The following TRMT9B variants were observed in gnomAD, a reference collection of about 807,000 sequenced individuals.
TRMT9B encodes tRNA methyltransferase 9B (putative), also known as probable tRNA methyltransferase 9B.
In TRMT9B, 16 loss-of-function variants were observed where a neutral mutation model predicts 11.5. The observed-to-expected ratio is 1.39, with a 90% confidence interval of 0.94 to 2.11. The LOEUF is 2.11. Among genes scored for constraint, TRMT9B ranks in the 30% most tolerant of loss-of-function variants. TRMT9B has a pLI of 0.00. For synonymous variants in TRMT9B, 274 were observed against 192.4 expected (o/e 1.42, Z -3.51); for missense variants, 941 against 553.8 (o/e 1.70, Z -7.02).
chr8:12,947,332 C>G (rs1417941457), intron 1 of TRMT9B, among the ~76,000 whole-genome samples: 4 of 152,148 alleles, frequency 2.6e-5, no homozygotes, highest in African/African-American at 4.8e-5. Flanking sequence ...ATTCCACTTC[C>G]TTATGCATCA....
At position 13,006,106 on chromosome 8, in the gene TRMT9B, T is replaced by C. The variant is rs931676652; in HGVS notation, c.-1-96T>C. On this transcript the variant is annotated intron_variant, in intron 2 of 4. Transcript: ENST00000524591. Reference sequence around the variant, plus strand: ...TGTGCAAACAGCATGAGTTTGCAGTTGTAGGCTCCAGATTTTAGGAAATCT... The same window carrying C: ...TGTGCAAACAGCATGAGTTTGCAGTCGTAGGCTCCAGATTTTAGGAAATCT... 5.0e-6 allele frequency: 6 copies of C among 1,196,952 alleles called. No homozygotes were observed. The South Asian group carries it at 7.3e-5, about 15-fold the overall frequency. The allele number at this position is 1,196,952 out of a possible 1,614,324, so 74.1% of individuals were successfully genotyped here. A position where few individuals can be genotyped will look rare whatever the true frequency, so the allele number is the denominator to read the frequency against.
In TRMT9B at chr8:13,012,724, A is replaced by G; in HGVS notation, c.195A>G (p.Val65=). 1 of 1,614,048 alleles carries G rather than the reference A, an allele frequency of 6.2e-7. No homozygotes were observed. The highest frequency in any genetic ancestry group is 8.5e-7 in the Non-Finnish European group (1 of 1,179,880). ...TGKYLKVNSQ[V]HTVGCDYCGP... ...AATATCTTAAAGTGAACAGCCAGGT[A>G]CATACCGTGGGCTGTGACTACTGTG... is the stretch of plus-strand genomic sequence containing the variant. The change falls in exon 4 of 5, where the codon GTA becomes GTG. Residue 65 remains valine (V), a synonymous_variant. Transcript: ENST00000524591.
At chr8:12,997,494 C>T (rs1808576603) in intron 2 of TRMT9B, among the ~76,000 whole-genome samples, 1 of 152,136 alleles carries the variant, frequency 6.6e-6, no homozygotes. Flanking sequence ...TTATAAATTA[C>T]CCAGGCTCAG....
intron 1 of TRMT9B, among the ~76,000 whole-genome samples, chr8:12,947,592 C>G (rs778635131): frequency 1.4e-4 from 21 of 152,208 alleles, no homozygotes; most frequent in Admixed American, 4.6e-4. Context: ...CTTATGGCAA[C>G]ACATGCATAT....
intron 2 of TRMT9B, among the ~76,000 whole-genome samples, chr8:12,996,747 AC>A (rs1808411903): frequency 1.3e-5 from 2 of 152,168 alleles, no homozygotes; most frequent in Admixed American, 1.3e-4. Flanking sequence ...TCATAAATGT[AC>A]AAATAAATGA....
chr8:13,012,248 C>T (rs1297250411), intron 3 of TRMT9B: 5 of 985,186 alleles, frequency 5.1e-6, no homozygotes, highest in African/African-American at 3.5e-5. Flanking sequence ...AATACCTTCA[C>T]ACCATGTTGT....
At chr8:12,948,065 G>A (rs1030246819) in intron 1 of TRMT9B, among the ~76,000 whole-genome samples, 1 of 152,136 alleles carries the variant, frequency 6.6e-6, no homozygotes, top group African/African-American at 2.4e-5. Context: ...CTTGACTTAC[G>A]ATGGGGGTTA....
At position 13,026,699 on chromosome 8, in the gene TRMT9B, A is replaced by G. The variant is rs973785934; in HGVS notation, c.*4655A>G. 1.2e-5 allele frequency: 2 copies of G among 167,146 alleles called. No homozygotes were observed. Among genetic ancestry groups the G allele is most frequent in the Non-Finnish European group, 2.9e-5 (2 of 68,130 alleles). 10.4% of individuals were successfully genotyped at this position (167,146 alleles called of 1,614,324 possible). A position where few individuals can be genotyped will look rare whatever the true frequency, so the allele number is the denominator to read the frequency against. On this transcript the variant is annotated 3_prime_UTR_variant, in exon 5 of 5. Transcript: ENST00000524591. ...GAAATTAAATTGCTTAAGGTTACACACATAGTAGGTATCACACATTTAGTT... is the reference window on the plus strand; with the variant it reads ...GAAATTAAATTGCTTAAGGTTACACGCATAGTAGGTATCACACATTTAGTT...
At chr8:12,991,123 A>G (rs564359919) in intron 2 of TRMT9B, 92 bp downstream of exon 2, 3 of 494,828 alleles carry the variant, frequency 6.1e-6, no homozygotes, top group Non-Finnish European at 8.6e-6. Context: ...CCCAATCCCT[A>G]TAATTTTAAA....
rs563708164 is a variant in TRMT9B, at chr8:12,989,848, A to G, written c.-199-986A>G. On this transcript the variant is annotated intron_variant, in intron 1 of 4. Coordinates refer to ENST00000524591, the MANE Select transcript of TRMT9B (RefSeq NM_020844.3). Reference sequence around the variant, plus strand: ...ATGCTTCTTAAACGCACTTCTAAAAAGTTAGCTTCTGTGGCTCTCAATGGC... The same window carrying G: ...ATGCTTCTTAAACGCACTTCTAAAAGGTTAGCTTCTGTGGCTCTCAATGGC... Among the ~76,000 whole-genome samples, 3 of 152,352 alleles carry G rather than the reference A, an allele frequency of 2.0e-5. No homozygotes were observed. The East Asian group carries it at 5.8e-4, about 29-fold the overall frequency.
At position 13,013,822 on chromosome 8, in the gene TRMT9B, G is replaced by T. The variant is rs977491919; in HGVS notation, c.328+965G>T. ...AAAATTAGCCGGGCATGGTACAAGC[G>T]CCTGTAGTCCCAGCTACTCAGGAGG... On this transcript the variant is annotated intron_variant, in intron 4 of 4. Transcript: ENST00000524591. Among the ~76,000 whole-genome samples, 10 of 152,152 alleles carry T rather than the reference G, an allele frequency of 6.6e-5. No homozygotes were observed. In the East Asian group the frequency reaches 1.6e-3, roughly 24 times the overall value.
At position 13,021,568 on chromosome 8, in the gene TRMT9B, C is replaced by G; in HGVS notation, c.889C>G (p.Gln297Glu). 1 of 1,613,842 alleles carries G rather than the reference C, an allele frequency of 6.2e-7. No individual in the cohort carries two copies. The highest frequency in any genetic ancestry group is 8.5e-7 in the Non-Finnish European group (1 of 1,179,840). The change falls in exon 5 of 5, where the codon CAA (glutamine) becomes GAA (glutamate). Residue 297 changes from glutamine to glutamate, a missense_variant. Gln to Glu is a conservative substitution (Grantham distance 29). Transcript: ENST00000524591. ...ACACTCTAGTTTAGACTTTGATCAC[C>G]AAGAGCCATTTTCAACAAAAGGGCA... ...SRHSSLDFDHQEPFSTKGQSL... is the reference protein window; with the variant it reads ...SRHSSLDFDHEEPFSTKGQSL...
At chr8:12,979,156 G>C (rs563466247) in intron 1 of TRMT9B, among the ~76,000 whole-genome samples, 1 of 152,312 alleles carries the variant, frequency 6.6e-6, no homozygotes, top group South Asian at 2.1e-4. Flanking sequence ...CTATGAGGAA[G>C]TAAGCGTTGT....
At chr8:12,995,743 C>T (rs1808223279) in intron 2 of TRMT9B, among the ~76,000 whole-genome samples, 1 of 152,102 alleles carries the variant, frequency 6.6e-6, no homozygotes. Context: ...GGAGATTAAC[C>T]ATCCAGATAC....
intron 1 of TRMT9B, among the ~76,000 whole-genome samples, chr8:12,970,429 C>T (rs1803433804): frequency 6.6e-6 from 1 of 152,206 alleles, no homozygotes; most frequent in African/African-American, 2.4e-5. Flanking sequence ...GTGCCTTCCT[C>T]TTCTTATTGC....
intron 2 of TRMT9B, among the ~76,000 whole-genome samples, chr8:13,001,251 C>T (rs1208302840): frequency 6.6e-6 from 1 of 152,184 alleles, no homozygotes; most frequent in African/African-American, 2.4e-5. Context: ...TTCAAATTCT[C>T]AAGACTGGGT....
intron 4 of TRMT9B, among the ~76,000 whole-genome samples, chr8:13,014,161 C>G (rs1024010044): frequency 1.5e-4 from 23 of 152,160 alleles, no homozygotes; most frequent in African/African-American, 5.6e-4. Context: ...AACCTTGGAA[C>G]TAGTAAGGAC....
At chr8:12,971,529 C>T (rs2977098) in intron 1 of TRMT9B, among the ~76,000 whole-genome samples, 1 of 152,082 alleles carries the variant, frequency 6.6e-6, no homozygotes, top group South Asian at 2.1e-4. Flanking sequence ...CTTGTCATTG[C>T]AGCATCTAGT....
chr8:12,990,951 A>C lies in TRMT9B; in HGVS notation c.-82A>C. On this transcript the variant is annotated 5_prime_UTR_variant, in exon 2 of 5. Coordinates refer to ENST00000524591, the MANE Select transcript of TRMT9B (RefSeq NM_020844.3). The stretch of plus-strand genomic sequence containing the variant: ...ACACATTGAGAAAGTTATGAGAAGC[A>C]ACTGTCACTCTCTGGAGGTGGAGAC... The C allele has an allele frequency of 3.9e-6, 5 of 1,289,190 alleles. No individual in the cohort carries two copies. Among genetic ancestry groups the C allele is most frequent in the South Asian group, 1.2e-5 (1 of 80,924 alleles). The allele number at this position is 1,289,190 out of a possible 1,614,324, so 79.9% of individuals were successfully genotyped here.
Sources: allele counts gnomAD v4.1 joint callset (sites outside exome capture counted in the v4.1 genomes callset), GRCh38; gene constraint gnomAD v4.1.1; transcripts MANE v1.5; gene names NCBI Gene and HGNC (gene_info 2026-07-23, HGNC 2026-07-21).